Variants in CCDC149 observed in about 807,000 individuals in gnomAD.
CCDC149 encodes the protein coiled-coil domain-containing protein 149.
In CCDC149, 45 loss-of-function variants were observed where a neutral mutation model predicts 59.9. The ratio of observed to expected loss-of-function variants is 0.75; its 90% confidence interval spans 0.59 to 0.96. The LOEUF is 0.96. CCDC149 is among the 40% of genes least tolerant of loss of function. The pLI is 0.00. For synonymous variants in CCDC149, 245 were observed against 260.6 expected (o/e 0.94, Z 0.58); for missense variants, 584 against 664.7 (o/e 0.88, Z 1.33).
At chr4:24,811,691 GGC>G (rs1183565676) in intron 12 of CCDC149, among the ~76,000 whole-genome samples, 1 of 152,020 alleles carries the variant, frequency 6.6e-6, no homozygotes, top group Non-Finnish European at 1.5e-5. Flanking sequence ...TGGCCAACAT[GGC>G]GAAACCCTGT....
chr4:24,938,839 G>T (rs1287484563), intron 1 of CCDC149, among the ~76,000 whole-genome samples: 1 of 152,242 alleles, frequency 6.6e-6, no homozygotes, highest in African/African-American at 2.4e-5. Context: ...CATCAGCGAG[G>T]CTGGGTGAGG....
chr4:24,922,070 T>A (rs1722311525), intron 1 of CCDC149, among the ~76,000 whole-genome samples: 1 of 152,208 alleles, frequency 6.6e-6, no homozygotes, highest in Non-Finnish European at 1.5e-5. Context: ...ATCTTTCCTT[T>A]ATGCATATCT....
chr4:24,911,422 T>TA (rs1445950390), intron 1 of CCDC149, among the ~76,000 whole-genome samples: 1 of 152,210 alleles, frequency 6.6e-6, no homozygotes, highest in African/African-American at 2.4e-5. Flanking sequence ...TACTGACTCC[T>TA]AACAGGCACC....
intron 1 of CCDC149, among the ~76,000 whole-genome samples, chr4:24,942,085 T>C (rs1399021823): frequency 2.0e-5 from 3 of 151,494 alleles, no homozygotes; most frequent in South Asian, 2.1e-4. Flanking sequence ...CTGGCAGAGA[T>C]ACAACAAAAA....
chr4:24,928,655 G>A (rs958892651), intron 1 of CCDC149, among the ~76,000 whole-genome samples: 2 of 152,094 alleles, frequency 1.3e-5, no homozygotes, highest in African/African-American at 2.4e-5. Context: ...GGGATCCCCT[G>A]CTTGGAATGC....
Position 24,874,595 on chromosome 4 carries a change from A to C in CCDC149, c.226-876T>G, listed in dbSNP as rs180765781. ...AGACTCTGTCTCACACACACACACA[A>C]AAAAAGGATCCGATTCCTCTCCCTT... is the stretch of plus-strand genomic sequence containing the variant. On this transcript the variant is annotated intron_variant, in intron 2 of 12. Transcript: ENST00000635206. 3.7e-3 allele frequency among the ~76,000 whole-genome samples: 560 copies of C among 152,090 alleles called. 8 individuals carry two copies. Among genetic ancestry groups the C allele is most frequent in the East Asian group, 0.02 (101 of 5,166 alleles).
intron 1 of CCDC149, among the ~76,000 whole-genome samples, chr4:24,966,740 T>C (rs1232388475): frequency 6.6e-6 from 1 of 152,234 alleles, no homozygotes; most frequent in Non-Finnish European, 1.5e-5. Flanking sequence ...GAGAAGGACA[T>C]TGCTGCATGA....
At chr4:24,887,714 G>A (rs1309104910) in intron 1 of CCDC149, among the ~76,000 whole-genome samples, 1 of 152,014 alleles carries the variant, frequency 6.6e-6, no homozygotes, top group African/African-American at 2.4e-5. Flanking sequence ...ATCTCTGGCA[G>A]GGACCATCAC....
chr4:24,973,050 A>G (rs975351705), intron 1 of CCDC149, among the ~76,000 whole-genome samples: 1 of 152,190 alleles, frequency 6.6e-6, no homozygotes, highest in African/African-American at 2.4e-5. Context: ...ACACTCTTCT[A>G]TTGATTCCAG....
chr4:24,975,080 C>G (rs956792953), intron 1 of CCDC149, among the ~76,000 whole-genome samples: 10 of 152,218 alleles, frequency 6.6e-5, no homozygotes, highest in Non-Finnish European at 1.0e-4. Context: ...CTAGCTTGCT[C>G]TCTTGCCTTA....
chr4:24,961,619 C>G (rs1560270445), intron 1 of CCDC149, among the ~76,000 whole-genome samples: 1 of 152,132 alleles, frequency 6.6e-6, no homozygotes, highest in Non-Finnish European at 1.5e-5. Context: ...GAGATACAGA[C>G]CAATGGAACA....
chr4:24,917,888 G>A (rs577095862), upstream of CCDC149, among the ~76,000 whole-genome samples: 9 of 152,170 alleles, frequency 5.9e-5, no homozygotes, highest in Non-Finnish European at 1.0e-4. Context: ...GAGGCAGCAG[G>A]GCCCGTGCTG....
intron 1 of CCDC149, among the ~76,000 whole-genome samples, chr4:24,974,046 A>C (rs1160158150): frequency 6.6e-6 from 1 of 152,230 alleles, no homozygotes; most frequent in East Asian, 1.9e-4. Context: ...TGGCAAATAA[A>C]GTGGTGCGCA....
At chr4:24,933,880 T>G (rs1271133218) in intron 1 of CCDC149, among the ~76,000 whole-genome samples, 1 of 152,208 alleles carries the variant, frequency 6.6e-6, no homozygotes, top group Non-Finnish European at 1.5e-5. Flanking sequence ...GGATGGTTCT[T>G]CTGCTCCATG....
intron 1 of CCDC149, among the ~76,000 whole-genome samples, chr4:24,978,334 G>A (rs544422330): frequency 3.0e-4 from 46 of 151,942 alleles, no homozygotes; most frequent in Admixed American, 1.2e-3. Context: ...ATTTCATATC[G>A]AAAGGATATT....
intron 1 of CCDC149, among the ~76,000 whole-genome samples, chr4:24,966,270 C>T (rs1723794696): frequency 6.6e-6 from 1 of 152,030 alleles, no homozygotes; most frequent in African/African-American, 2.4e-5. Context: ...CAGTCATATG[C>T]CAAATTGGTG....
chr4:24,969,729 G>A (rs1178553081), intron 1 of CCDC149, among the ~76,000 whole-genome samples: 2 of 152,184 alleles, frequency 1.3e-5, no homozygotes, highest in East Asian at 1.9e-4. Context: ...GACCAGGTAT[G>A]GGGACGAATG....
chr4:24,844,881 A>C (rs766725121), intron 4 of CCDC149, among the ~76,000 whole-genome samples: 8 of 152,032 alleles, frequency 5.3e-5, no homozygotes, highest in Non-Finnish European at 1.2e-4. Flanking sequence ...CATGCCATGC[A>C]CTATCCTAGG....
At chr4:24,951,719 C>T (rs1723297475) in intron 1 of CCDC149, among the ~76,000 whole-genome samples, 1 of 152,074 alleles carries the variant, frequency 6.6e-6, no homozygotes, top group Non-Finnish European at 1.5e-5. Flanking sequence ...CCATTTATAC[C>T]TCACAGTGTT....
Sources: gnomAD v4.1 joint callset for allele counts (sites outside exome capture counted in the v4.1 genomes callset) on GRCh38, gnomAD v4.1.1 for gene constraint, MANE v1.5 for transcripts, NCBI Gene and HGNC (gene_info 2026-07-23, HGNC 2026-07-21) for gene names.